The following REC8 variants were observed in gnomAD, a reference collection of about 807,000 sequenced individuals.
REC8 encodes meiotic recombination protein REC8 homolog.
Under a neutral mutation model 78.3 loss-of-function variants are expected in REC8, and 42 were observed. That is an observed-to-expected ratio of 0.54 (90% CI 0.42 to 0.69). The LOEUF (loss-of-function observed/expected upper bound fraction) is 0.69, where lower values mean the gene tolerates loss of function less well. Ranked by LOEUF, REC8 falls within the 30% of genes least tolerant of loss-of-function variation. The pLI is 0.00. For synonymous variants in REC8, 268 were observed against 274.1 expected, an observed-to-expected ratio of 0.98 and a Z score of 0.22; for missense variants, 581 against 715.8, an observed-to-expected ratio of 0.81 and a Z score of 2.15.
rs760067218 is a variant in REC8, at chr14:24,179,746, T to C, written c.1451+20T>C. 8 of 1,614,142 alleles carry C rather than the reference T, an allele frequency of 5.0e-6. No homozygotes were observed. The highest frequency in any genetic ancestry group is 5.9e-6 in the Non-Finnish European group (7 of 1,180,020). ...GCACAGGTACCAGGGAGGTGGCACC[T>C]TGATGGGGTGGACCCGGGCTGAAGC... is the stretch of plus-strand genomic sequence containing the variant. On this transcript the variant is annotated intron_variant, in intron 17 of 18. Transcript: ENST00000611366.
At chr14:24,179,344 G>C in intron 15 of REC8, 53 bp from the exon 16 acceptor site, 1 of 1,590,374 alleles carries the variant, frequency 6.3e-7, no homozygotes, top group Non-Finnish European at 8.6e-7. Context: ...TGGCCACAAG[G>C]CCCTAACTGC....
chr14:24,178,074 C>T lies in REC8; in HGVS notation c.865-17C>T. Reference sequence around the variant, plus strand: ...TAATGGGCAGCCTTGCCCCTACCTGCCCTCCCCACTCAACAGAGGAGGCCC... The same window carrying T: ...TAATGGGCAGCCTTGCCCCTACCTGTCCTCCCCACTCAACAGAGGAGGCCC... On this transcript the variant is annotated splice_polypyrimidine_tract_variant and intron_variant, in intron 11 of 18. Transcript: ENST00000611366. 1.9e-6 allele frequency: 3 copies of T among 1,608,962 alleles called. No individual in the cohort carries two copies. Among genetic ancestry groups the T allele is most frequent in the Non-Finnish European group, 2.5e-6 (3 of 1,176,834 alleles).
intron 6 of REC8, 139 bp from the exon 7 acceptor site, chr14:24,176,683 G>A: frequency 1.5e-6 from 1 of 684,082 alleles, no homozygotes; most frequent in South Asian, 1.7e-5. Context: ...GTGTACCCAG[G>A]GTCAGGATGC....
At position 24,173,052 on chromosome 14, in the gene REC8, G is replaced by A. The variant is rs1406156280; in HGVS notation, c.268+11G>A. The A allele has an allele frequency of 6.2e-7, 1 of 1,610,322 alleles. No individual in the cohort carries two copies. The highest frequency in any genetic ancestry group is 1.3e-5 in the African/African-American group (1 of 75,044). On this transcript the variant is annotated intron_variant, in intron 3 of 18. Coordinates refer to ENST00000611366, the MANE Select transcript of REC8 (RefSeq NM_001048205.2). ...GCCAGTACCTCGTGGGTAAGGCTGG[G>A]AACCCTCAAAGGTGGGGCGGGCTGA...
In REC8 at chr14:24,172,436, A is replaced by T. The variant is rs1477049556; in HGVS notation, c.-117A>T. 1 of 1,113,476 alleles carries T rather than the reference A, an allele frequency of 9.0e-7. No homozygotes were observed. The highest frequency in any genetic ancestry group is 2.6e-5 in the East Asian group (1 of 38,442). The allele number at this position is 1,113,476 out of a possible 1,614,324, so 69.0% of individuals were successfully genotyped here. On this transcript the variant is annotated 5_prime_UTR_variant, in exon 1 of 19. Coordinates refer to ENST00000611366, the MANE Select transcript of REC8 (RefSeq NM_001048205.2). Reference sequence around the variant, plus strand: ...TTCTAGGTGCACCCACCTTGCCACCAGAGAAGTCCAAATCCTGACTTCTCT... The same window carrying T: ...TTCTAGGTGCACCCACCTTGCCACCTGAGAAGTCCAAATCCTGACTTCTCT...
chr14:24,180,284 TC>T, downstream of REC8: 1 of 1,526,104 alleles, frequency 6.6e-7, no homozygotes, highest in African/African-American at 1.4e-5. Flanking sequence ...TTGTAACAGA[TC>T]CAGCCTCAGG....
chr14:24,176,070 C>CT lies in REC8; in HGVS notation c.544+458dup, dbSNP rs112279022. Among the ~76,000 whole-genome samples, 394 of 145,334 alleles carry CT rather than the reference C, an allele frequency of 2.7e-3. 1 individual carries two copies. Among genetic ancestry groups the CT allele is most frequent in the East Asian group, 0.019 (96 of 5,008 alleles). On this transcript the variant is annotated intron_variant, in intron 6 of 18. Coordinates refer to ENST00000611366, the MANE Select transcript of REC8 (RefSeq NM_001048205.2). ...GTCCTCTGAGGTCAGATTTCTTATC[C>CT]TTTTTTTTTTTTGAGAGATGGGGTA...
At chr14:24,172,836 G>C in intron 2 of REC8, 55 bp downstream of exon 2, 1 of 1,613,870 alleles carries the variant, frequency 6.2e-7, no homozygotes, top group Non-Finnish European at 8.5e-7. Flanking sequence ...TTAGGGGATG[G>C]GGTGGCCAAG....
At chr14:24,173,548 A>G in intron 5 of REC8, 137 bp downstream of exon 5, 1 of 1,494,466 alleles carries the variant, frequency 6.7e-7, no homozygotes, top group Non-Finnish European at 8.9e-7. Context: ...GGGGACTGCC[A>G]AGGTGGACCC....
chr14:24,177,027 G>A, intron 7 of REC8, 114 bp from the exon 8 acceptor site: 1 of 1,329,390 alleles, frequency 7.5e-7, no homozygotes. Context: ...AGCACCCAGT[G>A]GCTTCCTTGA....
chr14:24,173,297 C>T lies in REC8; in HGVS notation c.348C>T (p.Ser116=). Residue 116 remains serine (S), a synonymous_variant, in exon 5 of 19, where the codon AGC becomes AGT. Coordinates refer to ENST00000611366, the MANE Select transcript of REC8 (RefSeq NM_001048205.2). ...GGCCTACATTCTCTCCCAGACCCAG[C>T]CTGCTGCTTCCTAACCACCTGGCCA... is the stretch of plus-strand genomic sequence containing the variant. ...IRIDMETELP[S]LLLPNHLAMM... 1 of 1,614,212 alleles carries T rather than the reference C, an allele frequency of 6.2e-7. No individual in the cohort carries two copies. Among genetic ancestry groups the T allele is most frequent in the Non-Finnish European group, 8.5e-7 (1 of 1,180,016 alleles).
In REC8 at chr14:24,179,424, A is replaced by G; in HGVS notation, c.1280A>G (p.Glu427Gly). 1 of 1,614,122 alleles carries G rather than the reference A, an allele frequency of 6.2e-7. No individual in the cohort carries two copies. Among genetic ancestry groups the G allele is most frequent in the Non-Finnish European group, 8.5e-7 (1 of 1,180,012 alleles). Residue 427 changes from glutamate to glycine, a missense_variant, in exon 16 of 19, where the codon GAG (glutamate) becomes GGG (glycine). Coordinates refer to ENST00000611366, the MANE Select transcript of REC8 (RefSeq NM_001048205.2). ...ATCTCCCTAGAGGCAGCTGAAGAGG[A>G]GAAGTCCCGCATCAGCCTCATCCCA... ...LEISLEAAEE[E>G]KSRISLIPPE...
chr14:24,180,257 A>G (rs747615290), downstream of REC8: 5 of 1,550,964 alleles, frequency 3.2e-6, no homozygotes, highest in Non-Finnish European at 4.4e-6. Flanking sequence ...TTATTACAGT[A>G]TGATGTCATG....
rs1723096282 is a variant in REC8 at position 24,172,106 on chromosome 14, C to T, written c.-447C>T. ...TAGTCCTGCAGTAGGCGGCCCGGGG[C>T]CACACCGCGGCCGCCCAAGCCAGTG... On this transcript the variant is annotated 5_prime_UTR_variant, in exon 1 of 19. Coordinates refer to ENST00000611366, the MANE Select transcript of REC8 (RefSeq NM_001048205.2). The T allele has an allele frequency of 1.2e-5, 2 of 166,000 alleles. No individual in the cohort carries two copies. Among genetic ancestry groups the T allele is most frequent in the Non-Finnish European group, 2.6e-5 (2 of 77,368 alleles). The allele number at this position is 166,000 out of a possible 1,614,324, so 10.3% of individuals were successfully genotyped here.
chr14:24,178,854 C>G lies in REC8; in HGVS notation c.1141C>G (p.Leu381Val). Residue 381 changes from leucine to valine, a missense_variant, in exon 14 of 19, where the codon CTG becomes GTG. Leu to Val is a conservative substitution (Grantham distance 32, BLOSUM62 1). Coordinates refer to ENST00000611366, the MANE Select transcript of REC8 (RefSeq NM_001048205.2). ...QPPPKALRRE[L>V]PEEAAAEEER... is the part of the protein sequence containing the mutation. ...ACCCCCAAAAGCCCTCAGGCGAGAG[C>G]TGCCTGAGGAGGCAGCCGCTGAGGA... The G allele has an allele frequency of 6.2e-7, 1 of 1,613,622 alleles. No homozygotes were observed. The highest frequency in any genetic ancestry group is 8.5e-7 in the Non-Finnish European group (1 of 1,179,926).
At chr14:24,179,356 A>T (rs755865240) in intron 15 of REC8, 41 bp from the exon 16 acceptor site, 5 of 1,608,820 alleles carry the variant, frequency 3.1e-6, no homozygotes, top group Non-Finnish European at 3.4e-6. Context: ...CCTAACTGCC[A>T]CCCAAGCAGA....
intron 7 of REC8, 22 bp from the exon 8 acceptor site, chr14:24,177,119 C>G (rs758730778): frequency 1.2e-6 from 2 of 1,610,180 alleles, no homozygotes; most frequent in Non-Finnish European, 1.7e-6. Flanking sequence ...ATCCCCTCCC[C>G]TTGCTCTTCC....
In REC8 at chr14:24,177,814, G is replaced by A; in HGVS notation, c.864+56G>A. ...CCTCCTCTTTGCCCTCCCCCACAAGGACTGCCTCCCCAAGCCCAGGGCCAC... is the reference window on the plus strand; with the variant it reads ...CCTCCTCTTTGCCCTCCCCCACAAGAACTGCCTCCCCAAGCCCAGGGCCAC... On this transcript the variant is annotated intron_variant, in intron 11 of 18. Coordinates refer to ENST00000611366, the MANE Select transcript of REC8 (RefSeq NM_001048205.2). 6 of 1,509,528 alleles carry A rather than the reference G, an allele frequency of 4.0e-6. No individual in the cohort carries two copies. In the South Asian group the frequency reaches 8.0e-5, roughly 20 times the overall value. The allele number at this position is 1,509,528 out of a possible 1,614,324, so 93.5% of individuals were successfully genotyped here. A position where few individuals can be genotyped will look rare whatever the true frequency, so the allele number is the denominator to read the frequency against.
chr14:24,176,165 C>T (rs2038889457), intron 6 of REC8, among the ~76,000 whole-genome samples: 1 of 151,420 alleles, frequency 6.6e-6, no homozygotes, highest in African/African-American at 2.4e-5. Context: ...CTCCCGGATT[C>T]AAGCAATTCT....
Sources: gnomAD v4.1 joint callset for allele counts (sites outside exome capture counted in the v4.1 genomes callset) on GRCh38, gnomAD v4.1.1 for gene constraint, MANE v1.5 for transcripts, NCBI Gene and HGNC (gene_info 2026-07-23, HGNC 2026-07-21) for gene names.